SCHIP1: variants seen among roughly 807,000 people sequenced by gnomAD.
The protein encoded by SCHIP1 is schwannomin-interacting protein 1.
In SCHIP1, 8 loss-of-function variants were observed where a neutral mutation model predicts 29.7. The ratio of observed to expected loss-of-function variants is 0.27; its 90% CI spans 0.16 to 0.49. SCHIP1 has a LOEUF of 0.49. SCHIP1 is among the 20% of genes least tolerant of loss of function. The probability of loss-of-function intolerance (pLI) is 0.99; values close to 1 mark genes in which losing one functional copy is unlikely to be tolerated. For synonymous variants in SCHIP1, 76 were observed against 94.9 expected, an observed-to-expected ratio of 0.80 and a Z score of 1.16; for missense variants, 193 against 294.6, an observed-to-expected ratio of 0.66 and a Z score of 2.52.
the SCHIP1 span, among the ~76,000 whole-genome samples, chr3:159,301,550 G>T: frequency 2.0e-5 from 3 of 152,116 alleles, no homozygotes; most frequent in Admixed American, 1.3e-4. Context: ...ATCTTGAATT[G>T]TAATCCCCAC....
chr3:159,757,136 A>C, the SCHIP1 span, among the ~76,000 whole-genome samples: 2 of 152,206 alleles, frequency 1.3e-5, no homozygotes, highest in Non-Finnish European at 2.9e-5. Flanking sequence ...TACTGGTACA[A>C]ATTTACTGTA....
At chr3:159,384,613 G>T in the SCHIP1 span, among the ~76,000 whole-genome samples, 2 of 151,862 alleles carry the variant, frequency 1.3e-5, no homozygotes, top group East Asian at 3.9e-4. Flanking sequence ...TCAGGATGAT[G>T]CTGCCCTCAT....
the SCHIP1 span, among the ~76,000 whole-genome samples, chr3:159,392,778 T>C: frequency 1.9e-4 from 29 of 152,246 alleles, no homozygotes; most frequent in African/African-American, 6.7e-4. Context: ...AACATACGTG[T>C]GCATGTGTCT....
chr3:159,400,420 G>A, the SCHIP1 span, among the ~76,000 whole-genome samples: 1 of 152,190 alleles, frequency 6.6e-6, no homozygotes, highest in Non-Finnish European at 1.5e-5. Flanking sequence ...CAAATTCAGT[G>A]CCTGTTACAT....
At chr3:159,678,136 TCTC>T in the SCHIP1 span, among the ~76,000 whole-genome samples, 2 of 152,252 alleles carry the variant, frequency 1.3e-5, no homozygotes, top group African/African-American at 2.4e-5. Flanking sequence ...GTTTATTTCA[TCTC>T]CTCTTTTGAA....
At chr3:159,635,322 G>A in the SCHIP1 span, among the ~76,000 whole-genome samples, 1 of 152,174 alleles carries the variant, frequency 6.6e-6, no homozygotes, top group Non-Finnish European at 1.5e-5. Context: ...CCATGGGAGA[G>A]GTGGTAGGGA....
chr3:159,611,209 C>G, the SCHIP1 span, among the ~76,000 whole-genome samples: 26 of 152,086 alleles, frequency 1.7e-4, no homozygotes, highest in African/African-American at 5.3e-4. Flanking sequence ...AACTCAACTC[C>G]TTTAGCACAG....
At chr3:159,375,361 G>A in the SCHIP1 span, among the ~76,000 whole-genome samples, 1 of 152,228 alleles carries the variant, frequency 6.6e-6, no homozygotes, top group Non-Finnish European at 1.5e-5. Context: ...CTTCAGTCAG[G>A]TGGAGAACAT....
chr3:159,291,665 A>T, the SCHIP1 span, among the ~76,000 whole-genome samples: 2 of 152,132 alleles, frequency 1.3e-5, no homozygotes, highest in African/African-American at 4.8e-5. Context: ...TCTTGCTGTA[A>T]TTCAACCCAA....
the SCHIP1 span, among the ~76,000 whole-genome samples, chr3:159,428,711 A>T: frequency 6.6e-6 from 1 of 151,706 alleles, no homozygotes; most frequent in African/African-American, 2.4e-5. Context: ...TACCCAAAGG[A>T]CTATAAATCA....
At chr3:159,761,677 T>C in the SCHIP1 span, among the ~76,000 whole-genome samples, 1 of 152,248 alleles carries the variant, frequency 6.6e-6, no homozygotes, top group African/African-American at 2.4e-5. Flanking sequence ...AACCTGGTAC[T>C]TTCCCATCTG....
chr3:159,384,525 G>A, the SCHIP1 span, among the ~76,000 whole-genome samples: 1 of 145,170 alleles, frequency 6.9e-6, no homozygotes, highest in East Asian at 2.0e-4. Flanking sequence ...ATTTTATTGA[G>A]GATTTTTGCA....
chr3:159,355,762 C>T, the SCHIP1 span, among the ~76,000 whole-genome samples: 5 of 151,600 alleles, frequency 3.3e-5, no homozygotes, highest in East Asian at 1.9e-4. Flanking sequence ...TTGTTCCTGG[C>T]GAGGCTAAAT....
chr3:159,891,553 A>G (rs1427848725), intron 5 of SCHIP1, among the ~76,000 whole-genome samples: 1 of 152,150 alleles, frequency 6.6e-6, no homozygotes, highest in Non-Finnish European at 1.5e-5. Context: ...ATCTAACTAT[A>G]TTACAAATCT....
chr3:159,404,694 C>T, the SCHIP1 span, among the ~76,000 whole-genome samples: 1 of 152,200 alleles, frequency 6.6e-6, no homozygotes, highest in Non-Finnish European at 1.5e-5. Flanking sequence ...GGAACCCACC[C>T]AGGACTAGCA....
the SCHIP1 span, among the ~76,000 whole-genome samples, chr3:159,753,080 T>G: frequency 6.6e-6 from 1 of 152,188 alleles, no homozygotes; most frequent in African/African-American, 2.4e-5. Context: ...CTCATCTTCC[T>G]TACAAACTCA....
the SCHIP1 span, among the ~76,000 whole-genome samples, chr3:159,590,502 G>A: frequency 6.6e-6 from 1 of 152,054 alleles, no homozygotes; most frequent in Non-Finnish European, 1.5e-5. Context: ...CTTGAACCCA[G>A]GAGACAGGGG....
the SCHIP1 span, among the ~76,000 whole-genome samples, chr3:159,686,702 A>T: frequency 2.0e-5 from 3 of 152,188 alleles, no homozygotes; most frequent in Admixed American, 1.3e-4. Context: ...CATATGAGAA[A>T]TTTTTTCTAT....
At chr3:159,685,991 T>C in the SCHIP1 span, among the ~76,000 whole-genome samples, 7 of 152,354 alleles carry the variant, frequency 4.6e-5, no homozygotes, top group South Asian at 1.4e-3. Context: ...TCTGCCTATT[T>C]GGACTGTGAA....
Sources: gnomAD v4.1 joint callset for allele counts (sites outside exome capture counted in the v4.1 genomes callset) on GRCh38, gnomAD v4.1.1 for gene constraint, MANE v1.5 for transcripts, NCBI Gene and HGNC (gene_info 2026-07-23, HGNC 2026-07-21) for gene names.